PPP1R13L: variants seen among roughly 807,000 people sequenced by gnomAD.
The protein encoded by PPP1R13L is protein phosphatase 1 regulatory subunit 13 like.
In PPP1R13L, 50 loss-of-function variants were observed where a neutral mutation model predicts 80.9. The observed-to-expected ratio is 0.62, with a 90% confidence interval of 0.49 to 0.78. The LOEUF (loss-of-function observed/expected upper bound fraction) is 0.78. PPP1R13L is among the 30% of genes least tolerant of loss of function. PPP1R13L has a pLI of 0.00. For missense variants in PPP1R13L, 1,200 were observed against 1,205.9 expected (o/e 1.00, Z 0.07); for synonymous variants, 602 against 534.3 (o/e 1.13, Z -1.75).
chr19:45,394,284 A>G (rs930431423), intron 7 of PPP1R13L, among the ~76,000 whole-genome samples: 2 of 151,972 alleles, frequency 1.3e-5, no homozygotes, highest in Non-Finnish European at 2.9e-5. Flanking sequence ...GGCGCCCACT[A>G]CCATGCCCGG....
At position 45,382,623 on chromosome 19, in the gene PPP1R13L, C is replaced by T. The variant is rs1409950290; in HGVS notation, c.2352G>A (p.Ser784=). The change falls in exon 12 of 13, where the codon TCG becomes TCA. Residue 784 remains serine, a synonymous_variant. Coordinates refer to ENST00000360957, the MANE Select transcript of PPP1R13L (RefSeq NM_006663.4). ...GDELSFREGE[S]VTVLRRDGPE... The stretch of plus-strand genomic sequence containing the variant: ...GCCCGTCCCTCCGCAGCACGGTGAC[C>T]GACTCGCCCTCGCGGAAGGACAGCT... 2 of 1,613,772 alleles carry T rather than the reference C, an allele frequency of 1.2e-6. No individual in the cohort carries two copies. Among genetic ancestry groups the T allele is most frequent in the East Asian group, 2.2e-5 (1 of 44,884 alleles).
At chr19:45,382,768 G>C in intron 11 of PPP1R13L, 42 bp from the exon 12 acceptor site, 11 of 1,605,738 alleles carry the variant, frequency 6.9e-6, no homozygotes, top group Non-Finnish European at 9.4e-6. Flanking sequence ...CCTGGCCCAG[G>C]GGGTCCAGGA....
intron 8 of PPP1R13L, 151 bp from the exon 9 acceptor site, chr19:45,386,331 C>G: frequency 1.1e-6 from 1 of 940,814 alleles, no homozygotes; most frequent in Non-Finnish European, 1.5e-6. Context: ...GGGGTGCCTT[C>G]GATCTCCTCC....
intron 1 of PPP1R13L, among the ~76,000 whole-genome samples, chr19:45,404,044 G>C (rs980956207): frequency 6.6e-5 from 10 of 152,138 alleles, no homozygotes; most frequent in Non-Finnish European, 1.2e-4. Context: ...CAGAAGGTTA[G>C]TCAGAAAATC....
chr19:45,382,400 G>T, intron 12 of PPP1R13L, 127 bp downstream of exon 12: 1 of 1,145,992 alleles, frequency 8.7e-7, no homozygotes, highest in Non-Finnish European at 1.2e-6. Context: ...GCAATAATGA[G>T]CTTTTCAGAC....
At chr19:45,386,691 A>T (rs1441869628) in intron 8 of PPP1R13L, among the ~76,000 whole-genome samples, 1 of 144,000 alleles carries the variant, frequency 6.9e-6, no homozygotes, top group Non-Finnish European at 1.5e-5. Context: ...AGTGCAGTGC[A>T]GTGGTGTGAT....
intron 1 of PPP1R13L, among the ~76,000 whole-genome samples, chr19:45,400,741 G>A (rs773947415): frequency 7.3e-6 from 1 of 136,466 alleles, no homozygotes; most frequent in South Asian, 2.4e-4. Flanking sequence ...GTATAGCCTC[G>A]CACCACCACA....
At position 45,396,399 on chromosome 19, in the gene PPP1R13L, C is replaced by T. The variant is rs1318471834; in HGVS notation, c.750G>A (p.Trp250Ter). 6.2e-7 allele frequency: 1 copy of T among 1,613,992 alleles called. No individual in the cohort carries two copies. The highest frequency in any genetic ancestry group is 1.3e-5 in the African/African-American group (1 of 74,942). The change falls in exon 5 of 13, where the codon TGG becomes TGA. Residue 250 changes from tryptophan to a stop codon, truncating the protein, a stop_gained. Coordinates refer to ENST00000360957, the MANE Select transcript of PPP1R13L (RefSeq NM_006663.4). LOFTEE classifies it high-confidence loss of function. This position sits in a 1 kb window ranked among gnomAD's most constrained non-coding sequence, Gnocchi z 5.3. ...ACGCCACGTCCAGGTCAGACTCGTT[C>T]CAGGCTTTCGGAGGCCGCCGGCGCA... ...LTLRRRPPKA[W>*]NESDLDVAYE...
At chr19:45,402,557 G>A (rs1599781001) in intron 1 of PPP1R13L, among the ~76,000 whole-genome samples, 1 of 152,218 alleles carries the variant, frequency 6.6e-6, no homozygotes, top group Non-Finnish European at 1.5e-5. Flanking sequence ...GCTCAGGCCC[G>A]GGGAATGCGC....
chr19:45,405,104 G>A, upstream of PPP1R13L: 1 of 971,454 alleles, frequency 1.0e-6, no homozygotes, highest in Non-Finnish European at 1.2e-6. Flanking sequence ...TAGACGACGT[G>A]ACTTGGGCTG....
At chr19:45,392,550 C>T (rs888062251) in intron 7 of PPP1R13L, 23 of 666,584 alleles carry the variant, frequency 3.5e-5, no homozygotes, top group East Asian at 1.4e-4. Flanking sequence ...ATGTGCCTGG[C>T]GCTTTACATG....
intron 11 of PPP1R13L, among the ~76,000 whole-genome samples, chr19:45,383,725 T>G (rs1972811889): frequency 6.6e-6 from 1 of 152,132 alleles, no homozygotes; most frequent in East Asian, 1.9e-4. Context: ...AATGATAGGG[T>G]CCTTTAAGTT....
intron 7 of PPP1R13L, chr19:45,395,216 C>A (rs1004506422): frequency 1.6e-6 from 1 of 610,594 alleles, no homozygotes; most frequent in Admixed American, 2.6e-5. Flanking sequence ...GGTCACACAG[C>A]GTGGAACCAG....
rs919304755 is a variant in PPP1R13L at position 45,386,029 on chromosome 19, T to C, written c.1947+20A>G. ...CTGCGATGCCCCCGCCGTGCCCACC[T>C]CCCGCTCAGCAGCGCTCACCTCCTT... On this transcript the variant is annotated intron_variant, in intron 9 of 12. Transcript: ENST00000360957. 4 of 1,589,706 alleles carry C rather than the reference T, an allele frequency of 2.5e-6. No homozygotes were observed. In the Admixed American group the frequency reaches 5.3e-5, roughly 21 times the overall value.
rs757694632 is a variant in PPP1R13L, at chr19:45,382,543, G to A, written c.2432C>T (p.Pro811Leu). Residue 811 changes from proline to leucine, a missense_variant, in exon 12 of 13, where the codon CCG becomes CTG. This residue lies in a region of PPP1R13L where 165 missense variants were observed against 177.1 expected (regional missense o/e 0.93). Coordinates refer to ENST00000360957, the MANE Select transcript of PPP1R13L (RefSeq NM_006663.4). ...AALHGQEGYVPRNYFGLFPRV... is the reference protein window; with the variant it reads ...AALHGQEGYVLRNYFGLFPRV... ...TGGGCTCACCCCGAAGTAGTTCCGC[G>A]GCACGTAGCCCTCCTGGCCGTGCAG... The A allele has an allele frequency of 1.2e-6, 2 of 1,612,780 alleles. No homozygotes were observed. The highest frequency in any genetic ancestry group is 1.7e-6 in the Non-Finnish European group (2 of 1,179,472).
intron 6 of PPP1R13L, 74 bp from the exon 7 acceptor site, chr19:45,395,960 G>T: frequency 7.2e-7 from 1 of 1,396,664 alleles, no homozygotes; most frequent in Non-Finnish European, 9.8e-7. Flanking sequence ...CAAAAGACGA[G>T]AAGGGAGAGG....
Position 45,396,481 on chromosome 19 carries a change from G to T in PPP1R13L, c.713-45C>A. ...GAGGATGAGACGGGAGGGGTGGCGAGCCCCGGATCCTGCCCGCTTTGACCC... is the reference window on the plus strand; with the variant it reads ...GAGGATGAGACGGGAGGGGTGGCGATCCCCGGATCCTGCCCGCTTTGACCC... On this transcript the variant is annotated intron_variant, in intron 4 of 12. Transcript: ENST00000360957. This position sits in a 1 kb window ranked among gnomAD's most constrained non-coding sequence, Gnocchi z 5.3. The T allele has an allele frequency of 1.9e-6, 3 of 1,611,894 alleles. No homozygotes were observed. The highest frequency in any genetic ancestry group is 2.5e-6 in the Non-Finnish European group (3 of 1,179,388).
chr19:45,392,510 AT>A, intron 7 of PPP1R13L, 170 bp from the exon 8 acceptor site: 1 of 740,694 alleles, frequency 1.4e-6, no homozygotes, highest in South Asian at 1.5e-5. Flanking sequence ...ATATACAATT[AT>A]GATGCCTCCC....
intron 12 of PPP1R13L, among the ~76,000 whole-genome samples, chr19:45,381,022 T>TTATATTATATATAAATA (rs1397309967): frequency 6.8e-6 from 1 of 147,944 alleles, no homozygotes; most frequent in Non-Finnish European, 1.5e-5. Context: ...TCTCCATCTG[T>TTATATTATATATAAATA]TATATTATAT....
Sources: gnomAD v4.1 joint callset for allele counts (sites outside exome capture counted in the v4.1 genomes callset) on GRCh38, gnomAD v4.1.1 for gene constraint, gnomAD v4.1.1 regional missense constraint, Gnocchi (gnomAD v3.1) non-coding constraint, MANE v1.5 for transcripts, NCBI Gene and HGNC (gene_info 2026-07-23, HGNC 2026-07-21) for gene names.